The following HHIP variants were observed in gnomAD, a reference collection of about 807,000 sequenced individuals.
The protein encoded by HHIP is hedgehog interacting protein.
In HHIP, 12 loss-of-function variants were observed where a neutral mutation model predicts 74.0. That is an observed-to-expected ratio of 0.16 (90% CI 0.10 to 0.26). The LOEUF is 0.26. Among genes scored for constraint, HHIP ranks in the 10% least tolerant of loss-of-function variants. The pLI is 1.00. For missense variants in HHIP, 788 were observed against 845.0 expected (o/e 0.93, Z 0.84); for synonymous variants, 309 against 311.6 (o/e 0.99, Z 0.09).
intron 8 of HHIP, among the ~76,000 whole-genome samples, chr4:144,713,572 T>C (rs766076401): frequency 8.5e-5 from 13 of 152,152 alleles, no homozygotes; most frequent in Non-Finnish European, 1.5e-4. Context: ...TATCCAAGTA[T>C]GTAATGGCCT....
intron 4 of HHIP, among the ~76,000 whole-genome samples, chr4:144,674,216 T>C (rs1257053306): frequency 6.6e-6 from 1 of 152,238 alleles, no homozygotes; most frequent in East Asian, 1.9e-4. Flanking sequence ...TTCCATACAC[T>C]GTATAGATTA....
chr4:144,689,431 G>A (rs1729583194), intron 4 of HHIP, among the ~76,000 whole-genome samples: 1 of 152,300 alleles, frequency 6.6e-6, no homozygotes, highest in South Asian at 2.1e-4. Context: ...TACTTTGCCT[G>A]ATGTTTTCTA....
At chr4:144,734,984 T>C (rs936434786) in intron 12 of HHIP, 95 bp downstream of exon 12, 15 of 1,228,734 alleles carry the variant, frequency 1.2e-5, no homozygotes, top group Admixed American at 1.1e-4. Flanking sequence ...TACAATAATA[T>C]AGTGTTCAAA....
intron 7 of HHIP, among the ~76,000 whole-genome samples, chr4:144,709,994 A>G (rs1730247546): frequency 6.6e-6 from 1 of 152,156 alleles, no homozygotes; most frequent in South Asian, 2.1e-4. Flanking sequence ...TGAATTCTGT[A>G]GGTTTAGACA....
At chr4:144,733,350 A>G (rs1731013844) in intron 11 of HHIP, among the ~76,000 whole-genome samples, 1 of 152,216 alleles carries the variant, frequency 6.6e-6, no homozygotes, top group Non-Finnish European at 1.5e-5. Flanking sequence ...CTTTCGACAT[A>G]GAGTGGGACT....
chr4:144,737,681 C>T (rs1731156574), intron 12 of HHIP, 83 bp from the exon 13 acceptor site: 1 of 1,211,108 alleles, frequency 8.3e-7, no homozygotes, highest in Non-Finnish European at 1.1e-6. Context: ...CCTTATTCAG[C>T]AAATATTTGT....
Position 144,741,990 on chromosome 4 carries a change from TCTCTCTCCCCCTCTCG to T in HHIP, c.*4041_*4056del, listed in dbSNP as rs1170121919. ...CCTCCTCTCCCTCCCTCCTTCTCTC[TCTCTCTCCCCCTCTCG>T]CTCTCTCGGCTAATATATATGTGTA... is the stretch of plus-strand genomic sequence containing the variant. On this transcript the variant is annotated 3_prime_UTR_variant, in exon 13 of 13. Coordinates refer to ENST00000296575, the MANE Select transcript of HHIP (RefSeq NM_022475.3). 2 of 151,940 alleles carry T rather than the reference TCTCTCTCCCCCTCTCG, an allele frequency of 1.3e-5. No homozygotes were observed. The highest frequency in any genetic ancestry group is 2.9e-5 in the Non-Finnish European group (2 of 67,998). The allele number at this position is 151,940 out of a possible 1,614,324, so 9.4% of individuals were successfully genotyped here.
intron 12 of HHIP, 101 bp downstream of exon 12, chr4:144,734,990 T>C: frequency 8.8e-7 from 1 of 1,140,424 alleles, no homozygotes; most frequent in Non-Finnish European, 1.2e-6. Context: ...AATATAGTGT[T>C]CAAAAGTATT....
At chr4:144,728,005 G>T (rs1241809874) in intron 11 of HHIP, among the ~76,000 whole-genome samples, 1 of 152,160 alleles carries the variant, frequency 6.6e-6, no homozygotes, top group Admixed American at 6.6e-5. Flanking sequence ...TTACAAAGCT[G>T]ACCCTCTCTC....
chr4:144,662,633 C>T (rs1457682224), intron 4 of HHIP, among the ~76,000 whole-genome samples: 1 of 152,184 alleles, frequency 6.6e-6, no homozygotes, highest in Non-Finnish European at 1.5e-5. Flanking sequence ...CTATTACTGG[C>T]ACTGTGAAGA....
At chr4:144,737,212 A>T (rs1256872072) in intron 12 of HHIP, among the ~76,000 whole-genome samples, 1 of 152,210 alleles carries the variant, frequency 6.6e-6, no homozygotes, top group Admixed American at 6.5e-5. Flanking sequence ...GTGTAATCAG[A>T]GAGCAAAGCA....
At chr4:144,659,942 T>A (rs1728666647) in intron 4 of HHIP, 104 bp downstream of exon 4, 2 of 852,240 alleles carry the variant, frequency 2.3e-6, no homozygotes, top group Non-Finnish European at 3.7e-6. Flanking sequence ...AGAAAGAATC[T>A]TGCAGGAGAA....
At chr4:144,653,276 A>G (rs1728472688) in intron 2 of HHIP, among the ~76,000 whole-genome samples, 1 of 152,210 alleles carries the variant, frequency 6.6e-6, no homozygotes. Context: ...GCACTTTCAC[A>G]TAAAATGACT....
At chr4:144,731,019 C>A (rs1040905638) in intron 11 of HHIP, among the ~76,000 whole-genome samples, 1 of 152,128 alleles carries the variant, frequency 6.6e-6, no homozygotes, top group Admixed American at 6.5e-5. Context: ...TAATTATTAT[C>A]AAAATGCATC....
At chr4:144,655,615 C>T (rs1005618090) in intron 2 of HHIP, among the ~76,000 whole-genome samples, 27 of 152,094 alleles carry the variant, frequency 1.8e-4, no homozygotes, top group Admixed American at 9.8e-4. Context: ...TTCCTAACCC[C>T]GGCCAGTTAG....
chr4:144,664,061 C>T (rs1273425572), intron 4 of HHIP, among the ~76,000 whole-genome samples: 1 of 152,198 alleles, frequency 6.6e-6, no homozygotes, highest in Non-Finnish European at 1.5e-5. Flanking sequence ...AGGTTCACAC[C>T]CTCAGCAGCC....
chr4:144,650,903 T>C (rs772275300), intron 1 of HHIP: 4 of 152,070 alleles, frequency 2.6e-5, no homozygotes, highest in Non-Finnish European at 4.4e-5. Flanking sequence ...ATGAGGATCA[T>C]TTTGTTTTCA....
At chr4:144,695,471 C>T (rs1243511885) in intron 4 of HHIP, among the ~76,000 whole-genome samples, 1 of 151,412 alleles carries the variant, frequency 6.6e-6, no homozygotes, top group Admixed American at 6.6e-5. Context: ...CTAATTGCTA[C>T]TATCAAAAAT....
intron 11 of HHIP, among the ~76,000 whole-genome samples, chr4:144,729,674 G>A (rs945720498): frequency 2.0e-5 from 3 of 152,160 alleles, no homozygotes; most frequent in Non-Finnish European, 2.9e-5. Flanking sequence ...AGAGTTGCAA[G>A]GGTGCTCTTT....
Sources: gnomAD v4.1 joint callset for allele counts (sites outside exome capture counted in the v4.1 genomes callset) on GRCh38, gnomAD v4.1.1 for gene constraint, MANE v1.5 for transcripts, NCBI Gene and HGNC (gene_info 2026-07-23, HGNC 2026-07-21) for gene names.